Variants in YJEFN3 observed in about 807,000 individuals in gnomAD.
YJEFN3 encodes the protein YjeF N-terminal domain containing 3.
A neutral mutation model predicts 31.5 loss-of-function variants in YJEFN3; 29 were observed. The observed-to-expected ratio is 0.92, with a 90% CI of 0.69 to 1.26. YJEFN3 has a LOEUF of 1.26. YJEFN3 is among the 50% of genes most tolerant of loss of function. The pLI, the probability that YJEFN3 is intolerant of heterozygous loss-of-function variation, is 0.00. For synonymous variants in YJEFN3, 227 were observed against 196.1 expected, an observed-to-expected ratio of 1.16 and a Z score of -1.32; for missense variants, 442 against 425.4, an observed-to-expected ratio of 1.04 and a Z score of -0.34.
At position 19,535,367 on chromosome 19, in the gene YJEFN3, C is replaced by G; in HGVS notation, c.460C>G (p.Arg154Gly). The change falls in exon 5 of 7, where the codon CGC (arginine) becomes GGC (glycine). Residue 154 changes from arginine to glycine, a missense_variant. By Grantham distance (125) the Arg-to-Gly change is moderately radical (BLOSUM62 -2). Transcript: ENST00000514277. ...EYEPTIFYPTRSLDLLHRDLT... is the reference protein window; with the variant it reads ...EYEPTIFYPTGSLDLLHRDLT... ...TGAACCCACCATCTTCTACCCCACA[C>G]GCTCGCTGGACCTGCTGCATCGGGA... 1 of 1,613,974 alleles carries G rather than the reference C, an allele frequency of 6.2e-7. No individual in the cohort carries two copies. The highest frequency in any genetic ancestry group is 8.5e-7 in the Non-Finnish European group (1 of 1,179,996).
rs1355087427 is a variant in YJEFN3, at chr19:19,537,512, C to T, written c.888C>T (p.Val296=). 1.9e-6 allele frequency: 3 copies of T among 1,561,884 alleles called. No homozygotes were observed. Among genetic ancestry groups the T allele is most frequent in the Non-Finnish European group, 2.6e-6 (3 of 1,155,656 alleles). The change falls in exon 7 of 7, where the codon GTC becomes GTT. Residue 296 remains valine (V), a synonymous_variant. Coordinates refer to ENST00000514277, the MANE Select transcript of YJEFN3 (RefSeq NM_198537.4). ...RLPGYTGTDC[V]AAL ...CGGGATACACGGGCACCGACTGCGT[C>T]GCGGCACTGTGACCGCCACCCGCGG... is the stretch of plus-strand genomic sequence containing the variant.
intron 2 of YJEFN3, 91 bp from the exon 3 acceptor site, chr19:19,532,541 C>G: frequency 1.1e-6 from 1 of 880,548 alleles, no homozygotes; most frequent in Non-Finnish European, 1.7e-6. Context: ...GGCATTGGGA[C>G]CGGGTTCAGA....
rs757323367 is a variant in YJEFN3, at chr19:19,532,669, G to A, written c.247G>A (p.Glu83Lys). Residue 83 changes from glutamate (E) to lysine (K), a missense_variant, in exon 3 of 7, where the codon GAG (glutamate) becomes AAG (lysine). Physicochemically the swap from Glu to Lys is moderately conservative, Grantham distance 56 (BLOSUM62 1). Coordinates refer to ENST00000514277, the MANE Select transcript of YJEFN3 (RefSeq NM_198537.4). ...AGCCGCCCTGGAGCGGGAGCTGCTG[G>A]AGGATTATCGCTTTGGGCGGCAGCA... ...EAAALERELL[E>K]DYRFGRQQLV... 2 of 1,571,810 alleles carry A rather than the reference G, an allele frequency of 1.3e-6. No homozygotes were observed. Among genetic ancestry groups the A allele is most frequent in the Admixed American group, 1.8e-5 (1 of 55,656 alleles).
rs1339319039 is a variant in YJEFN3 at position 19,528,912 on chromosome 19, G to C, written c.-21G>C. 8.4e-6 allele frequency: 13 copies of C among 1,546,814 alleles called. No individual in the cohort carries two copies. Among genetic ancestry groups the C allele is most frequent in the Middle Eastern group, 2.1e-4 (1 of 4,818 alleles). On this transcript the variant is annotated 5_prime_UTR_variant, in exon 1 of 7. Coordinates refer to ENST00000514277, the MANE Select transcript of YJEFN3 (RefSeq NM_198537.4). ...GCGGTGGCGGTGGCGGCAGCGCCCG[G>C]CGCCCGGGCTCACCTCGGCCATGAG...
At chr19:19,529,663 A>G in intron 2 of YJEFN3, 150 bp downstream of exon 2, 1 of 1,044,792 alleles carries the variant, frequency 9.6e-7, no homozygotes, top group Non-Finnish European at 1.4e-6. Context: ...CCCACCTAGC[A>G]GGGCACGTGT....
chr19:19,532,712 G>A lies in YJEFN3; in HGVS notation c.290G>A (p.Gly97Asp), dbSNP rs2061170355. The A allele has an allele frequency of 1.3e-6, 2 of 1,574,322 alleles. No individual in the cohort carries two copies. Among genetic ancestry groups the A allele is most frequent in the Non-Finnish European group, 1.7e-6 (2 of 1,165,978 alleles). Residue 97 changes from glycine (G) to aspartate (D), a missense_variant, in exon 3 of 7, where the codon GGT becomes GAT. Transcript: ENST00000514277. ...FGRQQLVELC[G>D]HASAVAVTKA... Reference sequence around the variant, plus strand: ...CGGCAGCAGCTCGTGGAGCTGTGCGGTCATGCTAGTGCCGTGGCTGTGACC... The same window carrying A: ...CGGCAGCAGCTCGTGGAGCTGTGCGATCATGCTAGTGCCGTGGCTGTGACC...
At chr19:19,533,512 T>G in intron 3 of YJEFN3, 1 of 598,240 alleles carries the variant, frequency 1.7e-6, no homozygotes, top group Non-Finnish European at 2.0e-6. Context: ...CCTCCTCCCC[T>G]TCCGCCCCTT....
chr19:19,536,041 G>A lies in YJEFN3; in HGVS notation c.694+362G>A, dbSNP rs564073558. On this transcript the variant is annotated intron_variant, in intron 6 of 6. Coordinates refer to ENST00000514277, the MANE Select transcript of YJEFN3 (RefSeq NM_198537.4). ...CGACAGGCAGACGGAACAAACAGCC[G>A]CTGGCCAGCCGGACCCTCCGTGGGG... 5.4e-4 allele frequency: 284 copies of A among 525,656 alleles called. 5 individuals are homozygous for A. In the South Asian group the frequency reaches 7.0e-3, roughly 13 times the overall value. 32.6% of individuals were successfully genotyped at this position (525,656 alleles called of 1,614,324 possible).
chr19:19,529,416 TCAAATG>T lies in YJEFN3; in HGVS notation c.114_119del (p.Asn39_Ala40del). ...CGACATGGGAAGAGCGGAGCTTAGC[TCAAATG>T]CTACCACCTCCCTTGTCCAGAGGAG... On this transcript the variant is annotated inframe_deletion, in exon 2 of 7. Transcript: ENST00000514277. The T allele has an allele frequency of 6.2e-7, 1 of 1,613,998 alleles. No individual in the cohort carries two copies. Among genetic ancestry groups the T allele is most frequent in the Non-Finnish European group, 8.5e-7 (1 of 1,179,980 alleles).
chr19:19,533,137 C>A (rs1168277437), intron 3 of YJEFN3: 1 of 1,012,726 alleles, frequency 9.9e-7, no homozygotes, highest in African/African-American at 1.7e-5. Flanking sequence ...TGGCGAGGGG[C>A]CTGCCCTGGG....
Position 19,535,106 on chromosome 19 carries a change from G to A in YJEFN3, c.391G>A (p.Ala131Thr). 2.5e-6 allele frequency: 4 copies of A among 1,611,924 alleles called. No individual in the cohort carries two copies. The highest frequency in any genetic ancestry group is 3.4e-6 in the Non-Finnish European group (4 of 1,178,886). The stretch of plus-strand genomic sequence containing the variant: ...CGTGTGTGGCCCGGAGCAGAACGGG[G>A]CAGTGGGGCTGGTCTGTGCCCGGCA... Reference protein sequence around the residue: ...LVVCGPEQNGAVGLVCARHLR... With the variant: ...LVVCGPEQNGTVGLVCARHLR... Residue 131 changes from alanine to threonine, a missense_variant, in exon 4 of 7, where the codon GCA becomes ACA. By Grantham distance (58) the Ala-to-Thr change is moderately conservative (BLOSUM62 0). Coordinates refer to ENST00000514277, the MANE Select transcript of YJEFN3 (RefSeq NM_198537.4).
At chr19:19,530,437 T>A (rs1486984483) in intron 2 of YJEFN3, among the ~76,000 whole-genome samples, 1 of 96,004 alleles carries the variant, frequency 1.0e-5, no homozygotes, top group Non-Finnish European at 1.9e-5. Flanking sequence ...TGGACGACCC[T>A]CTGCCCACAG....
At chr19:19,531,424 T>C (rs941059036) in intron 2 of YJEFN3, among the ~76,000 whole-genome samples, 1 of 152,222 alleles carries the variant, frequency 6.6e-6, no homozygotes, top group African/African-American at 2.4e-5. Flanking sequence ...TGTTTTTTAT[T>C]ATTATCTTAG....
intron 6 of YJEFN3, among the ~76,000 whole-genome samples, chr19:19,536,984 C>A (rs189998208): frequency 6.6e-6 from 1 of 151,938 alleles, no homozygotes; most frequent in South Asian, 2.1e-4. Context: ...TGGAGGAGGG[C>A]GATTGAATAG....
Position 19,535,589 on chromosome 19 carries a change from G to C in YJEFN3, c.604G>C (p.Glu202Gln). ...VVDAVLGPGV[E>Q]PGEVGGPCTR... ...GGATGCCGTACTGGGCCCCGGCGTG[G>C]AGCCGGGCGAGGTCGGGGGCCCCTG... Residue 202 changes from glutamate (E) to glutamine (Q), a missense_variant, in exon 6 of 7, where the codon GAG becomes CAG. Transcript: ENST00000514277. 1 of 1,581,224 alleles carries C rather than the reference G, an allele frequency of 6.3e-7. No homozygotes were observed. Among genetic ancestry groups the C allele is most frequent in the Non-Finnish European group, 8.6e-7 (1 of 1,163,376 alleles).
Position 19,535,609 on chromosome 19 carries a change from C to T in YJEFN3, c.624C>T (p.Gly208=). The T allele has an allele frequency of 6.3e-7, 1 of 1,586,442 alleles. No homozygotes were observed. The highest frequency in any genetic ancestry group is 1.8e-5 in the Admixed American group (1 of 56,316). Residue 208 remains glycine, a synonymous_variant, in exon 6 of 7, where the codon GGC becomes GGT. Coordinates refer to ENST00000514277, the MANE Select transcript of YJEFN3 (RefSeq NM_198537.4). ...GPGVEPGEVG[G]PCTRALATLK... is the part of the protein sequence containing the mutation. The stretch of plus-strand genomic sequence containing the variant: ...GCGTGGAGCCGGGCGAGGTCGGGGG[C>T]CCCTGCACCCGCGCGCTGGCCACGC...
In YJEFN3 at chr19:19,533,904, G is replaced by C. The variant is rs555189980; in HGVS notation, c.319-1130G>C. On this transcript the variant is annotated intron_variant, in intron 3 of 6. Transcript: ENST00000514277. ...TCCCAGTCTTGGGTCTTGGGCTCTGGGCCCGGTGTGGCTGGGATCGCAGGC... is the reference window on the plus strand; with the variant it reads ...TCCCAGTCTTGGGTCTTGGGCTCTGCGCCCGGTGTGGCTGGGATCGCAGGC... The C allele has an allele frequency of 1.9e-4, 192 of 985,580 alleles. No individual in the cohort carries two copies. The South Asian group carries it at 7.6e-3, about 39-fold the overall frequency. The allele number at this position is 985,580 out of a possible 1,614,324, so 61.1% of individuals were successfully genotyped here. A position where few individuals can be genotyped will look rare whatever the true frequency, so the allele number is the denominator to read the frequency against.
chr19:19,530,530 A>T (rs1428921035), intron 2 of YJEFN3, among the ~76,000 whole-genome samples: 1 of 152,100 alleles, frequency 6.6e-6, no homozygotes. Context: ...GGGACAGAAG[A>T]AGAGGAATGC....
chr19:19,533,082 C>A, intron 3 of YJEFN3: 1 of 1,085,140 alleles, frequency 9.2e-7, no homozygotes, highest in Non-Finnish European at 1.1e-6. Flanking sequence ...TCTGAACACC[C>A]CTAAACAACC....
Sources: allele counts gnomAD v4.1 joint callset (sites outside exome capture counted in the v4.1 genomes callset), GRCh38; gene constraint gnomAD v4.1.1; transcripts MANE v1.5; gene names NCBI Gene and HGNC (gene_info 2026-07-23, HGNC 2026-07-21).